NIM1K: variants seen among roughly 807,000 people sequenced by gnomAD.
NIM1K encodes the protein NIM1 serine/threonine protein kinase, also known as serine/threonine-protein kinase NIM1.
In NIM1K, 35 loss-of-function variants were observed where a neutral mutation model predicts 37.1. That is an observed-to-expected ratio of 0.94 (90% CI 0.72 to 1.25). The LOEUF (loss-of-function observed/expected upper bound fraction) is 1.25. Ranked by LOEUF, NIM1K falls within the 50% of genes most tolerant of loss-of-function variation. NIM1K has a pLI of 0.00. For missense variants in NIM1K, 564 were observed against 548.0 expected, an observed-to-expected ratio of 1.03 and a Z score of -0.29; for synonymous variants, 234 against 206.6, an observed-to-expected ratio of 1.13 and a Z score of -1.14.
At chr5:43,198,220 T>C (rs1751959771) in intron 1 of NIM1K, among the ~76,000 whole-genome samples, 1 of 80,708 alleles carries the variant, frequency 1.2e-5, no homozygotes, top group Non-Finnish European at 2.7e-5. Flanking sequence ...TTTCTTTCTT[T>C]CTTTCTTTCT....
Position 43,245,694 on chromosome 5 carries a change from G to A in NIM1K, c.-82G>A. 2 of 1,347,798 alleles carry A rather than the reference G, an allele frequency of 1.5e-6. No individual in the cohort carries two copies. Among genetic ancestry groups the A allele is most frequent in the Non-Finnish European group, 2.0e-6 (2 of 987,560 alleles). 83.5% of individuals were successfully genotyped at this position (1,347,798 alleles called of 1,614,324 possible). On this transcript the variant is annotated 5_prime_UTR_variant, in exon 2 of 4. Coordinates refer to ENST00000326035, the MANE Select transcript of NIM1K (RefSeq NM_153361.4). Reference sequence around the variant, plus strand: ...CCCTGGGCACCTGCTGTCCTCAGTTGGCATCTCCCACCCTCTGAGCCTCTT... The same window carrying A: ...CCCTGGGCACCTGCTGTCCTCAGTTAGCATCTCCCACCCTCTGAGCCTCTT...
chr5:43,271,002 T>C (rs2111558530), intron 2 of NIM1K, among the ~76,000 whole-genome samples: 1 of 152,314 alleles, frequency 6.6e-6, no homozygotes, highest in Admixed American at 6.5e-5. Context: ...TTCATGTTTA[T>C]ATCATTTCCC....
rs537177507 is a variant in NIM1K at position 43,223,054 on chromosome 5, G to A, written c.-694-22028G>A. Among the ~76,000 whole-genome samples, 6 of 149,016 alleles carry A rather than the reference G, an allele frequency of 4.0e-5. No homozygotes were observed. In the East Asian group the frequency reaches 9.9e-4, roughly 25 times the overall value. ...CTCCGGAGGCTGAGGCAGGAGAATC[G>A]CTTGAACTTGGGAGGCAGAGGTTGC... On this transcript the variant is annotated intron_variant, in intron 1 of 3. Transcript: ENST00000326035.
intron 1 of NIM1K, among the ~76,000 whole-genome samples, chr5:43,241,384 C>T (rs565436661): frequency 6.7e-6 from 1 of 148,338 alleles, no homozygotes; most frequent in South Asian, 2.1e-4. Flanking sequence ...GGCTGGAGTG[C>T]AGTTGTGCTA....
At chr5:43,206,499 C>CAAA (rs11286972) in intron 1 of NIM1K, among the ~76,000 whole-genome samples, 78 of 83,108 alleles carry the variant, frequency 9.4e-4, no homozygotes, top group Middle Eastern at 6.0e-3. Context: ...GACCCTGCCT[C>CAAA]AAAAAAAAAA....
intron 2 of NIM1K, among the ~76,000 whole-genome samples, chr5:43,250,192 C>T (rs1246089817): frequency 6.6e-6 from 1 of 151,952 alleles, no homozygotes; most frequent in Non-Finnish European, 1.5e-5. Context: ...TTCACTGTTG[C>T]TCCATGAACA....
chr5:43,198,908 G>T (rs1751975863), intron 1 of NIM1K, among the ~76,000 whole-genome samples: 5 of 151,964 alleles, frequency 3.3e-5, no homozygotes, highest in Admixed American at 3.3e-4. Flanking sequence ...TGTATAAAGG[G>T]CCAAGCACGG....
chr5:43,210,643 C>T (rs944310895), intron 1 of NIM1K, among the ~76,000 whole-genome samples: 6 of 152,104 alleles, frequency 3.9e-5, no homozygotes, highest in African/African-American at 1.4e-4. Context: ...CATGCATTGT[C>T]ATGTACAAAG....
At chr5:43,202,034 T>C (rs999744835) in intron 1 of NIM1K, among the ~76,000 whole-genome samples, 1 of 152,092 alleles carries the variant, frequency 6.6e-6, no homozygotes, top group Non-Finnish European at 1.5e-5. Context: ...TATAGTAGAT[T>C]GTGACCTTGA....
intron 2 of NIM1K, among the ~76,000 whole-genome samples, chr5:43,267,389 T>A (rs1259899751): frequency 6.6e-6 from 1 of 152,210 alleles, no homozygotes; most frequent in African/African-American, 2.4e-5. Flanking sequence ...ATTTTGTTTA[T>A]CTTTTCAAAG....
intron 2 of NIM1K, among the ~76,000 whole-genome samples, chr5:43,263,727 A>C (rs1753074003): frequency 6.6e-6 from 1 of 152,132 alleles, no homozygotes. Flanking sequence ...TGTCAATTTT[A>C]GATCTTTCCT....
chr5:43,249,468 T>G (rs895402253), intron 2 of NIM1K, among the ~76,000 whole-genome samples: 1 of 152,196 alleles, frequency 6.6e-6, no homozygotes, highest in African/African-American at 2.4e-5. Context: ...ACTACGTGGT[T>G]CAGTCAATTT....
intron 1 of NIM1K, among the ~76,000 whole-genome samples, chr5:43,217,459 C>CAAAAA (rs35739990): frequency 1.1e-5 from 1 of 93,744 alleles, no homozygotes; most frequent in East Asian, 4.4e-4. Context: ...TGTGGACATG[C>CAAAAA]AAAAAAAAAA....
At chr5:43,223,087 C>T (rs184052006) in intron 1 of NIM1K, among the ~76,000 whole-genome samples, 157 of 144,762 alleles carry the variant, frequency 1.1e-3, no homozygotes, top group African/African-American at 4.0e-3. Context: ...TGCAGTGAAC[C>T]GAGATCGTGC....
chr5:43,243,612 A>T (rs933286911), intron 1 of NIM1K, among the ~76,000 whole-genome samples: 5 of 152,176 alleles, frequency 3.3e-5, no homozygotes, highest in Admixed American at 3.3e-4. Context: ...AAGAAAAGGA[A>T]GAAGAATCAG....
At chr5:43,266,626 T>C (rs944710786) in intron 2 of NIM1K, among the ~76,000 whole-genome samples, 5 of 152,190 alleles carry the variant, frequency 3.3e-5, no homozygotes, top group African/African-American at 1.2e-4. Context: ...GCACCCACTG[T>C]CCAACAAGCC....
intron 2 of NIM1K, among the ~76,000 whole-genome samples, chr5:43,268,792 C>G (rs1282291613): frequency 1.3e-5 from 2 of 150,942 alleles, no homozygotes; most frequent in Admixed American, 6.6e-5. Context: ...ATTTAAACTA[C>G]AAACTAAATG....
At chr5:43,208,694 A>G (rs1363594455) in intron 1 of NIM1K, among the ~76,000 whole-genome samples, 2 of 152,230 alleles carry the variant, frequency 1.3e-5, no homozygotes, top group Non-Finnish European at 2.9e-5. Context: ...ATGAAAGGAC[A>G]TGTTATGATA....
chr5:43,236,613 A>G (rs545048101), intron 1 of NIM1K, among the ~76,000 whole-genome samples: 2 of 152,342 alleles, frequency 1.3e-5, no homozygotes, highest in South Asian at 2.1e-4. Flanking sequence ...CACGCCAGGC[A>G]TAGGCACTGC....
Sources: allele counts gnomAD v4.1 joint callset (sites outside exome capture counted in the v4.1 genomes callset), GRCh38; gene constraint gnomAD v4.1.1; transcripts MANE v1.5; gene names NCBI Gene and HGNC (gene_info 2026-07-23, HGNC 2026-07-21).